The following ARID4A variants were observed in gnomAD, a reference collection of about 807,000 sequenced individuals.
ARID4A encodes the protein AT-rich interactive domain-containing protein 4A.
Under a neutral mutation model 148.6 loss-of-function variants are expected in ARID4A, and 39 were observed. The observed-to-expected ratio is 0.26, with a 90% CI of 0.20 to 0.34. ARID4A has a LOEUF of 0.34. Ranked by LOEUF, ARID4A falls within the 10% of genes least tolerant of loss-of-function variation. The pLI is 1.00. For missense variants in ARID4A, 1,265 were observed against 1,449.1 expected (o/e 0.87, Z 2.06); for synonymous variants, 475 against 481.2 (o/e 0.99, Z 0.17).
chr14:58,371,643 C>G (rs575161966), intron 23 of ARID4A, among the ~76,000 whole-genome samples: 31 of 152,224 alleles, frequency 2.0e-4, no homozygotes, highest in African/African-American at 6.5e-4. Context: ...GTTTTTGTCT[C>G]TTTAATCTTT....
chr14:58,337,049 G>T (rs1187655765), intron 11 of ARID4A, among the ~76,000 whole-genome samples: 1 of 150,748 alleles, frequency 6.6e-6, no homozygotes, highest in Middle Eastern at 3.2e-3. Flanking sequence ...GTGCCACCAT[G>T]CCCAGCTAAT....
At chr14:58,369,429 C>G (rs1250571766) in intron 23 of ARID4A, among the ~76,000 whole-genome samples, 1 of 151,720 alleles carries the variant, frequency 6.6e-6, no homozygotes, top group Non-Finnish European at 1.5e-5. Flanking sequence ...AGTTTAAGAC[C>G]AACCTGGCCA....
chr14:58,352,298 T>TA (rs1199597758), intron 16 of ARID4A, among the ~76,000 whole-genome samples: 1 of 152,064 alleles, frequency 6.6e-6, no homozygotes, highest in Non-Finnish European at 1.5e-5. Flanking sequence ...TGACCTAGGT[T>TA]AGTGAGTAAA....
intron 11 of ARID4A, among the ~76,000 whole-genome samples, chr14:58,342,346 A>G (rs1347249982): frequency 1.3e-5 from 2 of 152,216 alleles, no homozygotes; most frequent in African/African-American, 4.8e-5. Context: ...TACCAAAACT[A>G]CAATTTTACA....
At chr14:58,317,904 C>T (rs747679950) in intron 5 of ARID4A, among the ~76,000 whole-genome samples, 7 of 150,998 alleles carry the variant, frequency 4.6e-5, no homozygotes, top group African/African-American at 7.3e-5. Flanking sequence ...GAGGCTTAGG[C>T]GGGAGGATAA....
intron 8 of ARID4A, among the ~76,000 whole-genome samples, chr14:58,323,983 C>T (rs1454175992): frequency 1.4e-5 from 2 of 144,786 alleles, no homozygotes; most frequent in Non-Finnish European, 3.0e-5. Context: ...CGGCTCACTG[C>T]AAGCTCTGCC....
chr14:58,349,401 C>G (rs1439932531), intron 15 of ARID4A, among the ~76,000 whole-genome samples: 2 of 151,800 alleles, frequency 1.3e-5, no homozygotes, highest in Non-Finnish European at 2.9e-5. Context: ...AATCCCAGCA[C>G]TTTGGGAGGC....
intron 21 of ARID4A, 52 bp from the exon 22 acceptor site, chr14:58,365,972 A>T: frequency 7.0e-7 from 1 of 1,431,530 alleles, no homozygotes; most frequent in Non-Finnish European, 9.6e-7. Context: ...TTGCATTTTG[A>T]TATTTAAGAA....
At chr14:58,348,020 T>C (rs1019283331) in intron 15 of ARID4A, 142 bp downstream of exon 15, 8 of 600,972 alleles carry the variant, frequency 1.3e-5, no homozygotes, top group Non-Finnish European at 1.7e-5. Context: ...GCTACTTTTT[T>C]CGAAATATAT....
In ARID4A at chr14:58,364,635, G is replaced by A. The variant is rs1331864861; in HGVS notation, c.2546G>A (p.Cys849Tyr). Residue 849 changes from cysteine to tyrosine, a missense_variant, in exon 20 of 24, where the codon TGT (cysteine) becomes TAT (tyrosine). By Grantham distance (194) the Cys-to-Tyr change is radical (BLOSUM62 -2). Transcript: ENST00000355431. ...GCTACAGAAGATGAAATTGACCAATGTGTGAAAGAAAAGAAGTTGAAACGG... is the reference window on the plus strand; with the variant it reads ...GCTACAGAAGATGAAATTGACCAATATGTGAAAGAAAAGAAGTTGAAACGG... ...SSATEDEIDQ[C>Y]VKEKKLKRKI... 1.2e-6 allele frequency: 2 copies of A among 1,613,712 alleles called. No individual in the cohort carries two copies. The highest frequency in any genetic ancestry group is 2.7e-5 in the African/African-American group (2 of 74,904).
intron 3 of ARID4A, chr14:58,303,392 C>A: frequency 5.4e-6 from 2 of 373,036 alleles, no homozygotes; most frequent in Non-Finnish European, 1.2e-5. Flanking sequence ...CTGTGAAAGT[C>A]CTCCTTGATA....
chr14:58,322,980 AAT>A lies in ARID4A; in HGVS notation c.450-482_450-481del, dbSNP rs1220546707. 3.7e-3 allele frequency among the ~76,000 whole-genome samples: 419 copies of A among 114,154 alleles called. 8 individuals carry two copies. The highest frequency in any genetic ancestry group is 0.017 in the Middle Eastern group (3 of 172). 74.9% of individuals were successfully genotyped at this position (114,154 alleles called of 152,430 possible). Reference sequence around the variant, plus strand: ...TCCATTTCCAAAAAAAAAAAAAAAAAATATATATATATATATATATATATGCT... The same window carrying A: ...TCCATTTCCAAAAAAAAAAAAAAAAAATATATATATATATATATATATGCT... On this transcript the variant is annotated intron_variant, in intron 7 of 23. Transcript: ENST00000355431.
chr14:58,351,367 T>C (rs2034631404), intron 16 of ARID4A, 44 bp downstream of exon 16: 2 of 1,560,316 alleles, frequency 1.3e-6, no homozygotes, highest in South Asian at 2.5e-5. Flanking sequence ...CTGTCTGGGG[T>C]ACAACAGCGC....
In ARID4A at chr14:58,330,081, A is replaced by C; in HGVS notation, c.818A>C (p.Glu273Ala). The part of the protein sequence containing the change: ...NWKMDISEIL[E>A]SSSSDDEDGP... The stretch of plus-strand genomic sequence containing the variant: ...AAAATGGATATAAGTGAAATCCTTG[A>C]GTCATCCAGTAGTGATGATGAAGAT... The change falls in exon 11 of 24, where the codon GAG becomes GCG. Residue 273 changes from glutamate to alanine, a missense_variant. By Grantham distance (107) the Glu-to-Ala change is moderately radical. Transcript: ENST00000355431. 6.2e-7 allele frequency: 1 copy of C among 1,613,546 alleles called. No homozygotes were observed.
intron 5 of ARID4A, among the ~76,000 whole-genome samples, chr14:58,312,884 AATTAT>A (rs1353460180): frequency 5.3e-5 from 8 of 152,338 alleles, no homozygotes; most frequent in Admixed American, 5.2e-4. Context: ...AGTGATAGCC[AATTAT>A]ATTTATAGAC....
chr14:58,330,099 A>C lies in ARID4A; in HGVS notation c.836A>C (p.Asp279Ala), dbSNP rs1712425219. The C allele has an allele frequency of 6.2e-7, 1 of 1,613,710 alleles. No homozygotes were observed. The highest frequency in any genetic ancestry group is 1.7e-5 in the Admixed American group (1 of 59,938). Reference sequence around the variant, plus strand: ...ATCCTTGAGTCATCCAGTAGTGATGATGAAGATGGCCCAGCTGAAGAAAAT... The same window carrying C: ...ATCCTTGAGTCATCCAGTAGTGATGCTGAAGATGGCCCAGCTGAAGAAAAT... ...SEILESSSSD[D>A]EDGPAEENDE... Residue 279 changes from aspartate (D) to alanine (A), a missense_variant, in exon 11 of 24, where the codon GAT becomes GCT. Physicochemically the swap from Asp to Ala is moderately radical, Grantham distance 126. Coordinates refer to ENST00000355431, the MANE Select transcript of ARID4A (RefSeq NM_002892.4).
intron 9 of ARID4A, among the ~76,000 whole-genome samples, chr14:58,328,652 T>C (rs956968539): frequency 4.6e-5 from 7 of 152,152 alleles, no homozygotes; most frequent in Non-Finnish European, 1.0e-4. Context: ...AGCTTATTTT[T>C]TAATCTCTAT....
intron 7 of ARID4A, 49 bp from the exon 8 acceptor site, chr14:58,323,436 C>A (rs2033025599): frequency 6.3e-7 from 1 of 1,575,214 alleles, no homozygotes; most frequent in Non-Finnish European, 8.7e-7. Context: ...TACTCTGTAT[C>A]AAATAATTGT....
At chr14:58,306,844 A>C (rs1249705343) in intron 5 of ARID4A, among the ~76,000 whole-genome samples, 1 of 152,190 alleles carries the variant, frequency 6.6e-6, no homozygotes, top group Non-Finnish European at 1.5e-5. Flanking sequence ...ATGCCACTGC[A>C]CTCCAGCCTG....
Sources: allele counts gnomAD v4.1 joint callset (sites outside exome capture counted in the v4.1 genomes callset), GRCh38; gene constraint gnomAD v4.1.1; transcripts MANE v1.5; gene names NCBI Gene and HGNC (gene_info 2026-07-23, HGNC 2026-07-21).